The following GCGR variants were observed in gnomAD, a reference collection of about 807,000 sequenced individuals.
GCGR encodes the protein glucagon receptor.
In GCGR, 41 loss-of-function variants were observed where a neutral mutation model predicts 56.1. That is an observed-to-expected ratio of 0.73 (90% CI 0.57 to 0.95). GCGR has a LOEUF of 0.95. GCGR is among the 40% of genes least tolerant of loss of function. The probability of loss-of-function intolerance (pLI) is 0.00; values close to 1 mark genes in which losing one functional copy is unlikely to be tolerated. For missense variants in GCGR, 595 were observed against 638.2 expected (o/e 0.93, Z 0.73); for synonymous variants, 278 against 271.1 (o/e 1.03, Z -0.25).
rs1401527502 is a variant in GCGR, at chr17:81,811,960, G to T, written c.878+14G>T. The stretch of plus-strand genomic sequence containing the variant: ...CGAGAACGTCCAGTGAGTATGAGCG[G>T]CTGGACAGCCTGGGGAGGGACCGGG... On this transcript the variant is annotated intron_variant, in intron 9 of 13. Transcript: ENST00000400723. This position sits in a 1 kb window ranked among gnomAD's most constrained non-coding sequence, Gnocchi z 5.8. 1.3e-6 allele frequency: 2 copies of T among 1,536,864 alleles called. No individual in the cohort carries two copies. The highest frequency in any genetic ancestry group is 1.7e-6 in the Non-Finnish European group (2 of 1,146,870).
rs1380723289 is a variant in GCGR, at chr17:81,811,655, T to C, written c.662T>C (p.Val221Ala). ...CTCACACTGCACCTGTACCAGGCGG[T>C]GGCTGGCTGCCGTGTGGCCGCGGTG... ...SVSTWLSDGA[V>A]AGCRVAAVFM... Residue 221 changes from valine (V) to alanine (A), a missense_variant, in exon 8 of 14, where the codon GTG (valine) becomes GCG (alanine). Physicochemically the swap from Val to Ala is moderately conservative, Grantham distance 64. Transcript: ENST00000400723. This position sits in a 1 kb window ranked among gnomAD's most constrained non-coding sequence, Gnocchi z 5.8. The C allele has an allele frequency of 6.5e-7, 1 of 1,536,444 alleles. No homozygotes were observed. The highest frequency in any genetic ancestry group is 1.2e-5 in the South Asian group (1 of 84,068).
chr17:81,810,959 G>T lies in GCGR; in HGVS notation c.271+27G>T. The stretch of plus-strand genomic sequence containing the variant: ...TACCCATAGAGGGGAGGAACTGTGG[G>T]GGGGGCGGGCCCAGGGTGGGGCTGA... On this transcript the variant is annotated intron_variant, in intron 4 of 13. Transcript: ENST00000400723. The surrounding 1 kb of genome is among the most constrained non-coding windows in gnomAD (Gnocchi z 4.6). 1.3e-6 allele frequency: 2 copies of T among 1,536,124 alleles called. No individual in the cohort carries two copies. Among genetic ancestry groups the T allele is most frequent in the Non-Finnish European group, 1.7e-6 (2 of 1,146,834 alleles).
Position 81,811,515 on chromosome 17 carries a change from G to T in GCGR, c.612G>T (p.Gln204His), listed in dbSNP as rs1190563230. Residue 204 changes from glutamine (Q) to histidine (H), a missense_variant, in exon 7 of 14, where the codon CAG (glutamine) becomes CAT (histidine). By Grantham distance (24) the Gln-to-His change is conservative. Coordinates refer to ENST00000400723, the MANE Select transcript of GCGR (RefSeq NM_000160.5). The surrounding 1 kb of genome is among the most constrained non-coding windows in gnomAD (Gnocchi z 5.8). The stretch of plus-strand genomic sequence containing the variant: ...GGCTGCTCAGGACCCGCTACAGCCA[G>T]AAAATTGGCGACGACCTCAGTGTCA... ...IDGLLRTRYS[Q>H]KIGDDLSVST... The T allele has an allele frequency of 6.5e-7, 1 of 1,536,630 alleles. No homozygotes were observed. Among genetic ancestry groups the T allele is most frequent in the Non-Finnish European group, 8.7e-7 (1 of 1,146,862 alleles).
chr17:81,812,922 G>T lies in GCGR; in HGVS notation c.1153G>T (p.Asp385Tyr). Residue 385 changes from aspartate to tyrosine, a missense_variant, in exon 12 of 14, where the codon GAC becomes TAC. Physicochemically the swap from Asp to Tyr is radical, Grantham distance 160. Coordinates refer to ENST00000400723, the MANE Select transcript of GCGR (RefSeq NM_000160.5). This position sits in a 1 kb window ranked among gnomAD's most constrained non-coding sequence, Gnocchi z 8.5. ...CCTGCGCTCCGCCAAGCTCTTCTTC[G>T]ACCTCTTCCTCAGCTCCTTCCAGGT... ...GTLRSAKLFFDLFLSSFQGLL... is the reference protein window; with the variant it reads ...GTLRSAKLFFYLFLSSFQGLL... The T allele has an allele frequency of 8.5e-6, 13 of 1,535,996 alleles. No homozygotes were observed. Among genetic ancestry groups the T allele is most frequent in the South Asian group, 1.2e-5 (1 of 84,046 alleles).
In GCGR at chr17:81,813,809, C is replaced by G; in HGVS notation, c.*120C>G. ...GGGAGCCAACAGCAGCCCCCACCTA[C>G]CCCCCACCCCCAGTGTGGCTGTCTG... On this transcript the variant is annotated 3_prime_UTR_variant, in exon 14 of 14. Coordinates refer to ENST00000400723, the MANE Select transcript of GCGR (RefSeq NM_000160.5). This position sits in a 1 kb window ranked among gnomAD's most constrained non-coding sequence, Gnocchi z 5.3. 1 of 875,482 alleles carries G rather than the reference C, an allele frequency of 1.1e-6. No homozygotes were observed. The highest frequency in any genetic ancestry group is 1.7e-6 in the Non-Finnish European group (1 of 581,440). The allele number at this position is 875,482 out of a possible 1,614,324, so 54.2% of individuals were successfully genotyped here.
In GCGR at chr17:81,813,609, AG is replaced by A. The variant is rs1185767794; in HGVS notation, c.1358del (p.Gly453ValfsTer33). On this transcript the variant is annotated frameshift_variant, in exon 14 of 14. Transcript: ENST00000400723. LOFTEE classifies it low-confidence loss of function (END_TRUNC). This position sits in a 1 kb window ranked among gnomAD's most constrained non-coding sequence, Gnocchi z 5.3. ...TCCCAGCAAGGAGCTGCAGTTTGGG[AG>A]GGGTGGTGGCAGCCAGGATTCATCT... Reference protein sequence around the residue: ...GPPSKELQFGRGGGSQDSSAE... With the variant: ...GPPSKELQFGXGGGSQDSSAE... 12 of 1,536,432 alleles carry A rather than the reference AG, an allele frequency of 7.8e-6. No homozygotes were observed. Among genetic ancestry groups the A allele is most frequent in the South Asian group, 1.2e-5 (1 of 84,046 alleles).
chr17:81,806,308 T>G lies in GCGR; in HGVS notation c.-178+2059T>G, dbSNP rs2037964222. 1.3e-5 allele frequency among the ~76,000 whole-genome samples: 2 copies of G among 151,982 alleles called. No homozygotes were observed. Among genetic ancestry groups the G allele is most frequent in the East Asian group, 3.9e-4 (2 of 5,156 alleles). The stretch of plus-strand genomic sequence containing the variant: ...GTGGAGAATTGCCTCCCACCTCACC[T>G]CTTGTATTCAGAGGCCCTGACCCCT... On this transcript the variant is annotated intron_variant, in intron 1 of 13. Coordinates refer to ENST00000400723, the MANE Select transcript of GCGR (RefSeq NM_000160.5). The surrounding 1 kb of genome is among the most constrained non-coding windows in gnomAD (Gnocchi z 6.5).
chr17:81,810,732 C>T lies in GCGR; in HGVS notation c.164-93C>T. The T allele has an allele frequency of 8.0e-7, 1 of 1,251,126 alleles. No individual in the cohort carries two copies. Among genetic ancestry groups the T allele is most frequent in the Admixed American group, 2.0e-5 (1 of 50,312 alleles). 77.5% of individuals were successfully genotyped at this position (1,251,126 alleles called of 1,614,324 possible). A position where few individuals can be genotyped will look rare whatever the true frequency, so the allele number is the denominator to read the frequency against. On this transcript the variant is annotated intron_variant, in intron 3 of 13. Transcript: ENST00000400723. This position sits in a 1 kb window ranked among gnomAD's most constrained non-coding sequence, Gnocchi z 4.6. ...TCCTGGGCGAGGTGACGGCCGAGCT[C>T]AGGCTTCCAGAGAGAGGAGAGAGGC...
chr17:81,813,361 C>T lies in GCGR; in HGVS notation c.1219-113C>T. ...TGCCCAGCAGGGAGCTTGTGTCGCT[C>T]TGCACCCCTCAGAGCGGAGACTGGG... On this transcript the variant is annotated intron_variant, in intron 13 of 13. Transcript: ENST00000400723. This position sits in a 1 kb window ranked among gnomAD's most constrained non-coding sequence, Gnocchi z 5.3. The T allele has an allele frequency of 9.3e-7, 1 of 1,069,982 alleles. No homozygotes were observed. The highest frequency in any genetic ancestry group is 1.3e-6 in the Non-Finnish European group (1 of 746,496). 66.3% of individuals were successfully genotyped at this position (1,069,982 alleles called of 1,614,324 possible). A position where few individuals can be genotyped will look rare whatever the true frequency, so the allele number is the denominator to read the frequency against.
At position 81,812,612 on chromosome 17, in the gene GCGR, G is replaced by C; in HGVS notation, c.984G>C (p.Leu328=). 6.5e-7 allele frequency: 1 copy of C among 1,536,532 alleles called. No individual in the cohort carries two copies. The highest frequency in any genetic ancestry group is 8.7e-7 in the Non-Finnish European group (1 of 1,146,780). ...TCATCTTCGTCCGCATCGTTCAGCT[G>C]CTCGTGGCCAAGCTGCGGGCACGGC... ...NFFIFVRIVQ[L]LVAKLRARQM... The change falls in exon 11 of 14, where the codon CTG becomes CTC. Residue 328 remains leucine (L), a synonymous_variant. Coordinates refer to ENST00000400723, the MANE Select transcript of GCGR (RefSeq NM_000160.5). This position sits in a 1 kb window ranked among gnomAD's most constrained non-coding sequence, Gnocchi z 8.5.
At position 81,813,683 on chromosome 17, in the gene GCGR, C is replaced by T; in HGVS notation, c.1428C>T (p.Pro476=). 5 of 1,534,846 alleles carry T rather than the reference C, an allele frequency of 3.3e-6. No individual in the cohort carries two copies. Among genetic ancestry groups the T allele is most frequent in the Non-Finnish European group, 4.4e-6 (5 of 1,146,440 alleles). The change falls in exon 14 of 14, where the codon CCC becomes CCT. Residue 476 remains proline (P), a synonymous_variant. Transcript: ENST00000400723. This position sits in a 1 kb window ranked among gnomAD's most constrained non-coding sequence, Gnocchi z 5.3. Reference sequence around the variant, plus strand: ...GCCTCCCTAGATTGGCTGAGAGCCCCTTCTGAACCCTGCTGGGACCCCAGC... The same window carrying T: ...GCCTCCCTAGATTGGCTGAGAGCCCTTTCTGAACCCTGCTGGGACCCCAGC... ...AGGLPRLAES[P]F is the part of the protein sequence containing the mutation.
In GCGR at chr17:81,804,303, G is replaced by A. The variant is rs1351195868; in HGVS notation, c.-178+54G>A. On this transcript the variant is annotated intron_variant, in intron 1 of 13. Transcript: ENST00000400723. The surrounding 1 kb of genome is among the most constrained non-coding windows in gnomAD (Gnocchi z 8.2). ...GACGTTGGGGAGTCGACCCGGTGGG[G>A]ACAGAGACCGCGGGGCGGGCGCGGC... The A allele has an allele frequency of 4.6e-5, 7 of 152,312 alleles. No individual in the cohort carries two copies. The highest frequency in any genetic ancestry group is 7.3e-5 in the Non-Finnish European group (5 of 68,044). The allele number at this position is 152,312 out of a possible 1,614,324, so 9.4% of individuals were successfully genotyped here.
chr17:81,811,778 G>A lies in GCGR; in HGVS notation c.785G>A (p.Ser262Asn). 6.5e-7 allele frequency: 1 copy of A among 1,537,676 alleles called. No homozygotes were observed. The highest frequency in any genetic ancestry group is 1.2e-5 in the South Asian group (1 of 84,096). Residue 262 changes from serine (S) to asparagine (N), a missense_variant, in exon 8 of 14, where the codon AGC (serine) becomes AAC (asparagine). By Grantham distance (46) the Ser-to-Asn change is conservative. Transcript: ENST00000400723. This position sits in a 1 kb window ranked among gnomAD's most constrained non-coding sequence, Gnocchi z 5.8. ...GGCCTGGCCACCCTCCCCGAGAGGA[G>A]CTTCTTCAGCCTCTACCTGGGCATC... ...LLGLATLPER[S>N]FFSLYLGIGW...
intron 1 of GCGR, among the ~76,000 whole-genome samples, chr17:81,805,462 G>C (rs914866318): frequency 6.6e-6 from 1 of 152,152 alleles, no homozygotes. Context: ...TGCGGTGGGG[G>C]TCTAGAGAAG....
Position 81,812,394 on chromosome 17 carries a change from C to A in GCGR, c.948+142C>A. The A allele has an allele frequency of 9.4e-7, 1 of 1,062,492 alleles. No individual in the cohort carries two copies. The highest frequency in any genetic ancestry group is 1.4e-6 in the Non-Finnish European group (1 of 734,812). The allele number at this position is 1,062,492 out of a possible 1,614,324, so 65.8% of individuals were successfully genotyped here. ...GACAGGACACCAGGACACTGGCCAG[C>A]ACCCTGGACACTGAGCCAGGCTGTT... On this transcript the variant is annotated intron_variant, in intron 10 of 13. Transcript: ENST00000400723. This position sits in a 1 kb window ranked among gnomAD's most constrained non-coding sequence, Gnocchi z 8.5.
chr17:81,806,858 C>T lies in GCGR; in HGVS notation c.-177-1984C>T, dbSNP rs2037975957. ...GGCCAGTGTCCTTCCTCCTTGTCCC[C>T]CGCCTGCATCTCCACCATCCACCCT... On this transcript the variant is annotated intron_variant, in intron 1 of 13. Transcript: ENST00000400723. The surrounding 1 kb of genome is among the most constrained non-coding windows in gnomAD (Gnocchi z 6.5). 1.3e-5 allele frequency among the ~76,000 whole-genome samples: 2 copies of T among 151,942 alleles called. No individual in the cohort carries two copies. Among genetic ancestry groups the T allele is most frequent in the African/African-American group, 4.8e-5 (2 of 41,362 alleles).
At chr17:81,805,116 C>T (rs1263356888) in intron 1 of GCGR, 1 of 152,336 alleles carries the variant, frequency 6.6e-6, no homozygotes, top group Admixed American at 6.5e-5. Flanking sequence ...CAAAAACATC[C>T]CGGCTCCCAT....
Position 81,813,580 on chromosome 17 carries a change from G to T in GCGR, c.1325G>T (p.Gly442Val), listed in dbSNP as rs188519815. 1 of 1,536,482 alleles carries T rather than the reference G, an allele frequency of 6.5e-7. No individual in the cohort carries two copies. The highest frequency in any genetic ancestry group is 2.0e-5 in the Admixed American group (1 of 51,008). ...NHRASSSPGHGPPSKELQFGR... is the reference protein window; with the variant it reads ...NHRASSSPGHVPPSKELQFGR... The stretch of plus-strand genomic sequence containing the variant: ...AGGGCCTCATCTTCGCCCGGCCACG[G>T]CCCTCCCAGCAAGGAGCTGCAGTTT... The change falls in exon 14 of 14, where the codon GGC becomes GTC. Residue 442 changes from glycine to valine, a missense_variant. Transcript: ENST00000400723. The surrounding 1 kb of genome is among the most constrained non-coding windows in gnomAD (Gnocchi z 5.3).
Position 81,812,280 on chromosome 17 carries a change from C to A in GCGR, c.948+28C>A. The A allele has an allele frequency of 6.5e-7, 1 of 1,533,916 alleles. No homozygotes were observed. The highest frequency in any genetic ancestry group is 2.0e-5 in the Admixed American group (1 of 50,970). On this transcript the variant is annotated intron_variant, in intron 10 of 13. Transcript: ENST00000400723. This position sits in a 1 kb window ranked among gnomAD's most constrained non-coding sequence, Gnocchi z 8.5. The stretch of plus-strand genomic sequence containing the variant: ...GAGGAAATGAAGAGCCAGGAGCGCA[C>A]CCCAGGCCCCTCCTCCCTTGGCGTC...
Sources: allele counts gnomAD v4.1 joint callset (sites outside exome capture counted in the v4.1 genomes callset), GRCh38; gene constraint gnomAD v4.1.1; non-coding constraint Gnocchi (gnomAD v3.1); transcripts MANE v1.5; gene names NCBI Gene and HGNC (gene_info 2026-07-23, HGNC 2026-07-21).